The following USP6 variants were observed in gnomAD, a reference collection of about 807,000 sequenced individuals.
The protein encoded by USP6 is ubiquitin carboxyl-terminal hydrolase 6.
A neutral mutation model predicts 175.7 loss-of-function variants in USP6; 128 were observed. The ratio of observed to expected loss-of-function variants is 0.73; its 90% CI spans 0.63 to 0.84. USP6 has a LOEUF of 0.84. USP6 is among the 40% of genes least tolerant of loss of function. USP6 has a pLI of 0.00. For missense variants in USP6, 1,498 were observed against 1,760.3 expected, an observed-to-expected ratio of 0.85 and a Z score of 2.67; for synonymous variants, 562 against 630.6, an observed-to-expected ratio of 0.89 and a Z score of 1.63.
chr17:5,135,453 C>T (rs1479847175), intron 16 of USP6, among the ~76,000 whole-genome samples, 171 bp downstream of exon 16: 1 of 152,068 alleles, frequency 6.6e-6, no homozygotes, highest in Non-Finnish European at 1.5e-5. Context: ...AGGGGGTGGT[C>T]TCAAGGGGTC....
chr17:5,133,697 A>G, intron 14 of USP6, 147 bp downstream of exon 14: 3 of 1,161,108 alleles, frequency 2.6e-6, no homozygotes, highest in Non-Finnish European at 3.8e-6. Context: ...TGACACAGTC[A>G]CCACAGACAA....
intron 33 of USP6, 138 bp from the exon 34 acceptor site, chr17:5,167,794 A>G (rs2074124923): frequency 1.1e-5 from 12 of 1,090,338 alleles, no homozygotes; most frequent in Non-Finnish European, 1.5e-5. Context: ...CTGAGCCATC[A>G]TACCCAGCCA....
chr17:5,134,327 G>T (rs776416888), intron 15 of USP6: 1 of 332,692 alleles, frequency 3.0e-6, no homozygotes, highest in Non-Finnish European at 5.7e-6. Flanking sequence ...GAGGGCCCAT[G>T]AGCCTCCCCA....
At position 5,132,814 on chromosome 17, in the gene USP6, G is replaced by A; in HGVS notation, c.196-96G>A. ...GCCCTTCCCTGGCTCCTTCCAGTTG[G>A]GTCCCACCAGGGCTCCAGAGCCCAA... On this transcript the variant is annotated intron_variant, in intron 12 of 37. Transcript: ENST00000574788. This position sits in a 1 kb window ranked among gnomAD's most constrained non-coding sequence, Gnocchi z 4.7. 4.2e-6 allele frequency: 6 copies of A among 1,438,832 alleles called. No homozygotes were observed. The highest frequency in any genetic ancestry group is 5.9e-6 in the Non-Finnish European group (6 of 1,021,592). The allele number at this position is 1,438,832 out of a possible 1,614,324, so 89.1% of individuals were successfully genotyped here. A position where few individuals can be genotyped will look rare whatever the true frequency, so the allele number is the denominator to read the frequency against.
At chr17:5,139,829 T>C (rs912147328) in intron 22 of USP6, among the ~76,000 whole-genome samples, 155 bp downstream of exon 22, 3 of 152,132 alleles carry the variant, frequency 2.0e-5, no homozygotes, top group Admixed American at 1.3e-4. Context: ...CTGCCACCTC[T>C]ACTTGGAAAG....
chr17:5,132,149 AC>A lies in USP6; in HGVS notation c.156-241del. On this transcript the variant is annotated intron_variant, in intron 11 of 37. Transcript: ENST00000574788. This position sits in a 1 kb window ranked among gnomAD's most constrained non-coding sequence, Gnocchi z 4.7. ...TGGGCAGCCCCACTGTGGCCTGACC[AC>A]CCCCCATGCCAGGGGCCCCAGTAAC... 7.0e-6 allele frequency: 10 copies of A among 1,421,082 alleles called. No homozygotes were observed. The highest frequency in any genetic ancestry group is 5.7e-6 in the Non-Finnish European group (6 of 1,060,506). The allele number at this position is 1,421,082 out of a possible 1,614,324, so 88.0% of individuals were successfully genotyped here.
At chr17:5,141,570 G>C (rs938867356) in intron 23 of USP6, 71 bp downstream of exon 23, 2 of 1,377,140 alleles carry the variant, frequency 1.5e-6, no homozygotes, top group African/African-American at 3.0e-5. Flanking sequence ...AACTATTAAA[G>C]TGCTAACAAC....
At chr17:5,151,492 T>G (rs2073771991) in intron 30 of USP6, among the ~76,000 whole-genome samples, 1 of 151,936 alleles carries the variant, frequency 6.6e-6, no homozygotes. Flanking sequence ...AAGCTGATTC[T>G]CATATGTGGA....
intron 2 of USP6, among the ~76,000 whole-genome samples, chr17:5,118,681 G>T (rs578012181): frequency 6.6e-6 from 1 of 152,322 alleles, no homozygotes; most frequent in Admixed American, 6.5e-5. Context: ...AAAAGAATGA[G>T]GTTGTGTGGA....
intron 4 of USP6, among the ~76,000 whole-genome samples, chr17:5,122,263 G>C (rs1318281804): frequency 2.0e-5 from 3 of 152,074 alleles, no homozygotes; most frequent in Middle Eastern, 3.2e-3. Flanking sequence ...CAGTAAGTGT[G>C]GGGTGAACAC....
chr17:5,171,076 T>C (rs2074206902), intron 36 of USP6, among the ~76,000 whole-genome samples, 161 bp downstream of exon 36: 7 of 152,152 alleles, frequency 4.6e-5, no homozygotes, highest in Admixed American at 4.6e-4. Context: ...AGATGTGGTG[T>C]GGTGGCTCAC....
chr17:5,171,100 G>A (rs2074207799), intron 36 of USP6, among the ~76,000 whole-genome samples, 185 bp downstream of exon 36: 1 of 152,142 alleles, frequency 6.6e-6, no homozygotes, highest in Non-Finnish European at 1.5e-5. Context: ...TGTAATCCCA[G>A]CACTTTAGAA....
intron 17 of USP6, 136 bp downstream of exon 17, chr17:5,136,064 G>A: frequency 6.6e-7 from 1 of 1,504,300 alleles, no homozygotes; most frequent in Non-Finnish European, 8.9e-7. Flanking sequence ...CGTCTCTGCT[G>A]AGGGTCCCAC....
intron 31 of USP6, among the ~76,000 whole-genome samples, chr17:5,159,585 G>T (rs2073963576): frequency 6.6e-6 from 1 of 152,186 alleles, no homozygotes; most frequent in Admixed American, 6.5e-5. Context: ...TTTAGAAAAG[G>T]AAGGAAGAAG....
intron 31 of USP6, among the ~76,000 whole-genome samples, chr17:5,158,411 G>T (rs529639629): frequency 2.0e-4 from 31 of 152,056 alleles, no homozygotes; most frequent in African/African-American, 6.7e-4. Flanking sequence ...TACTAAAAAT[G>T]CAAAAATTAG....
chr17:5,125,672 GCACATGCACACACACACA>G (rs1567772015), intron 5 of USP6, 131 bp from the exon 6 acceptor site: 1 of 24,300 alleles, frequency 4.1e-5, no homozygotes, highest in Admixed American at 4.7e-4. Flanking sequence ...GCACACACAC[GCACATGCACACACACACA>G]CACACACACA....
intron 4 of USP6, chr17:5,123,202 TA>T (rs2143750038): frequency 7.6e-6 from 1 of 132,180 alleles, no homozygotes; most frequent in East Asian, 2.4e-4. Flanking sequence ...GTGGGGGAAG[TA>T]GCCAGAGATC....
chr17:5,122,219 G>C (rs1413474396), intron 4 of USP6, among the ~76,000 whole-genome samples: 1 of 152,016 alleles, frequency 6.6e-6, no homozygotes, highest in Non-Finnish European at 1.5e-5. Flanking sequence ...TGGATGCCTG[G>C]ATCTCAGGGT....
chr17:5,160,899 G>A (rs888169671), intron 31 of USP6, among the ~76,000 whole-genome samples: 2 of 152,160 alleles, frequency 1.3e-5, no homozygotes, highest in East Asian at 1.9e-4. Context: ...GTTGTTTCCT[G>A]ACTTTTTAAT....
Sources: gnomAD v4.1 joint callset for allele counts (sites outside exome capture counted in the v4.1 genomes callset) on GRCh38, gnomAD v4.1.1 for gene constraint, Gnocchi (gnomAD v3.1) non-coding constraint, MANE v1.5 for transcripts, NCBI Gene and HGNC (gene_info 2026-07-23, HGNC 2026-07-21) for gene names.